Variants in OPCML observed in about 807,000 individuals in gnomAD.
OPCML encodes the protein opioid binding protein/cell adhesion molecule like, also known as opioid-binding protein/cell adhesion molecule.
Under a neutral mutation model 37.8 loss-of-function variants are expected in OPCML, and 13 were observed. The observed-to-expected ratio is 0.34, with a 90% CI of 0.22 to 0.55. The LOEUF is 0.55. OPCML is among the 20% of genes least tolerant of loss of function. OPCML has a pLI of 0.91. For synonymous variants in OPCML, 176 were observed against 168.8 expected, an observed-to-expected ratio of 1.04 and a Z score of -0.33; for missense variants, 341 against 435.6, an observed-to-expected ratio of 0.78 and a Z score of 1.93.
At chr11:133,308,429 AG>A (rs1171532818) in intron 1 of OPCML, among the ~76,000 whole-genome samples, 1 of 152,226 alleles carries the variant, frequency 6.6e-6, no homozygotes, top group African/African-American at 2.4e-5. Context: ...TTGGAGAAAG[AG>A]GATTCAAATA....
chr11:132,807,868 C>T (rs1168482304), intron 2 of OPCML, among the ~76,000 whole-genome samples: 1 of 152,212 alleles, frequency 6.6e-6, no homozygotes, highest in East Asian at 1.9e-4. Context: ...CTCAAGCAAA[C>T]TCTAGCCTGA....
At chr11:132,509,780 C>T (rs1384582653) in intron 4 of OPCML, among the ~76,000 whole-genome samples, 2 of 152,210 alleles carry the variant, frequency 1.3e-5, no homozygotes, top group Admixed American at 6.5e-5. Flanking sequence ...AAGTTTGCTG[C>T]AGGGGTGGGG....
intron 1 of OPCML, among the ~76,000 whole-genome samples, chr11:133,204,874 A>ATATATATATATATATATATATGTGTGTG (rs1938972700): frequency 5.3e-5 from 1 of 18,962 alleles, no homozygotes; most frequent in Non-Finnish European, 1.3e-4. Context: ...ATGTGTATAT[A>ATATATATATATATATATATATGTGTGTG]TATATATATA....
intron 2 of OPCML, among the ~76,000 whole-genome samples, chr11:132,841,212 A>G (rs1315605325): frequency 1.3e-5 from 2 of 152,210 alleles, no homozygotes; most frequent in Admixed American, 1.3e-4. Flanking sequence ...AGTACTCCCC[A>G]CAACCCGAAG....
chr11:132,998,362 G>C (rs182860321), intron 1 of OPCML, among the ~76,000 whole-genome samples: 3 of 152,216 alleles, frequency 2.0e-5, no homozygotes, highest in East Asian at 1.9e-4. Context: ...TTCTCACTTG[G>C]GGGGAGCCTG....
intron 1 of OPCML, among the ~76,000 whole-genome samples, chr11:132,957,980 G>A (rs935923753): frequency 6.6e-6 from 1 of 152,162 alleles, no homozygotes; most frequent in Non-Finnish European, 1.5e-5. Flanking sequence ...GAAAGGAAGA[G>A]TTGCACATTC....
At chr11:133,252,129 A>G (rs1941155863) in intron 1 of OPCML, among the ~76,000 whole-genome samples, 1 of 152,214 alleles carries the variant, frequency 6.6e-6, no homozygotes. Flanking sequence ...AAAATAAATT[A>G]TATTAGGCAC....
chr11:132,733,127 G>A (rs531685172), intron 2 of OPCML, among the ~76,000 whole-genome samples: 6 of 152,074 alleles, frequency 3.9e-5, no homozygotes, highest in Non-Finnish European at 7.4e-5. Flanking sequence ...AAATCATCAC[G>A]AAGATGAAAT....
intron 1 of OPCML, among the ~76,000 whole-genome samples, chr11:133,482,436 T>A (rs938314047): frequency 3.3e-5 from 5 of 152,092 alleles, no homozygotes; most frequent in African/African-American, 1.2e-4. Context: ...ATATCAACAA[T>A]GTCTGTGAAA....
chr11:133,476,917 C>T (rs1947252208), intron 1 of OPCML, among the ~76,000 whole-genome samples: 1 of 152,150 alleles, frequency 6.6e-6, no homozygotes, highest in South Asian at 2.1e-4. Flanking sequence ...ATACAGAAGC[C>T]ATGTATTGTT....
In OPCML at chr11:132,783,894, A is replaced by T. The variant is rs940632149; in HGVS notation, c.147-126575T>A. Among the ~76,000 whole-genome samples the T allele has an allele frequency of 2.6e-5, 4 of 152,210 alleles. No individual in the cohort carries two copies. The South Asian group carries it at 6.2e-4, about 24-fold the overall frequency. On this transcript the variant is annotated intron_variant, in intron 2 of 7. Coordinates refer to ENST00000524381, the MANE Select transcript of OPCML (RefSeq NM_001012393.5). ...AGCAACTACTTTGGGAATATATTTT[A>T]AAAAATCAATGCAACTTTATTACTT... is the stretch of plus-strand genomic sequence containing the variant.
chr11:133,017,991 C>G (rs966611690), intron 1 of OPCML, among the ~76,000 whole-genome samples: 1 of 152,324 alleles, frequency 6.6e-6, no homozygotes, highest in East Asian at 1.9e-4. Context: ...CTTGGTAGCG[C>G]TCTGGGAGCA....
intron 1 of OPCML, among the ~76,000 whole-genome samples, chr11:133,505,772 C>T (rs1294468288): frequency 2.0e-5 from 3 of 152,232 alleles, no homozygotes; most frequent in African/African-American, 4.8e-5. Flanking sequence ...TGAATTATAA[C>T]TATCACCGCT....
intron 1 of OPCML, among the ~76,000 whole-genome samples, chr11:133,136,385 C>G (rs1029737158): frequency 6.7e-6 from 1 of 148,868 alleles, no homozygotes; most frequent in African/African-American, 2.5e-5. Context: ...CTTTTTTCCC[C>G]ACTTTCTAGA....
chr11:132,731,736 A>G (rs1380847475), intron 2 of OPCML, among the ~76,000 whole-genome samples: 1 of 152,220 alleles, frequency 6.6e-6, no homozygotes, highest in Non-Finnish European at 1.5e-5. Flanking sequence ...TGACTCTTGA[A>G]GATGAATAAG....
chr11:133,029,917 TA>T (rs780156618), intron 1 of OPCML, among the ~76,000 whole-genome samples: 7 of 152,018 alleles, frequency 4.6e-5, no homozygotes, highest in Non-Finnish European at 2.9e-5. Context: ...AAGTAGGGAA[TA>T]ATTATCTTCA....
chr11:132,483,267 A>G (rs944803263), intron 4 of OPCML, among the ~76,000 whole-genome samples: 3 of 150,498 alleles, frequency 2.0e-5, no homozygotes, highest in Non-Finnish European at 4.4e-5. Context: ...GCATTCCTAT[A>G]CACCAACAAC....
At chr11:133,123,122 C>A (rs187978707) in intron 1 of OPCML, among the ~76,000 whole-genome samples, 1 of 152,282 alleles carries the variant, frequency 6.6e-6, no homozygotes, top group East Asian at 1.9e-4. Context: ...ACTGTGACAA[C>A]CCCAAGGACA....
intron 7 of OPCML, among the ~76,000 whole-genome samples, chr11:132,433,909 T>C (rs2096005332): frequency 6.6e-6 from 1 of 152,244 alleles, no homozygotes. Flanking sequence ...AAATGTCTGT[T>C]GTTTAAGCTA....
Sources: gnomAD v4.1 joint callset for allele counts (sites outside exome capture counted in the v4.1 genomes callset) on GRCh38, gnomAD v4.1.1 for gene constraint, MANE v1.5 for transcripts, NCBI Gene and HGNC (gene_info 2026-07-23, HGNC 2026-07-21) for gene names.